FBXL20: variants seen among roughly 807,000 people sequenced by gnomAD.
FBXL20 encodes F-box/LRR-repeat protein 20.
In FBXL20, 11 loss-of-function variants were observed where a neutral mutation model predicts 64.0. The ratio of observed to expected loss-of-function variants is 0.17; its 90% confidence interval spans 0.11 to 0.28. FBXL20 has a LOEUF of 0.28. Ranked by LOEUF, FBXL20 falls within the 10% of genes least tolerant of loss-of-function variation. The probability of loss-of-function intolerance (pLI) is 1.00; values close to 1 mark genes in which losing one functional copy is unlikely to be tolerated. For synonymous variants in FBXL20, 184 were observed against 189.0 expected, an observed-to-expected ratio of 0.97 and a Z score of 0.22; for missense variants, 303 against 526.2, an observed-to-expected ratio of 0.58 and a Z score of 4.15.
chr17:39,296,248 A>C (rs966808289), intron 6 of FBXL20, among the ~76,000 whole-genome samples: 5 of 152,250 alleles, frequency 3.3e-5, no homozygotes, highest in African/African-American at 1.2e-4. Flanking sequence ...AAACGTTTCC[A>C]AATCAATCTA....
At chr17:39,374,786 TTTC>T (rs1431283168) in intron 1 of FBXL20, among the ~76,000 whole-genome samples, 1 of 152,140 alleles carries the variant, frequency 6.6e-6, no homozygotes, top group Non-Finnish European at 1.5e-5. Context: ...CTACTTTTCT[TTTC>T]TTTTCTTTTT....
chr17:39,264,198 G>C lies in FBXL20; in HGVS notation c.1180C>G (p.Arg394Gly). Residue 394 changes from arginine (R) to glycine (G), a missense_variant, in exon 14 of 15, where the codon CGG becomes GGG. This residue lies in a region of FBXL20 where 56 missense variants were observed against 86.0 expected (regional missense o/e 0.65). Transcript: ENST00000264658. ...IELYDCQQITRAGIKRLRTHL... is the reference protein window; with the variant it reads ...IELYDCQQITGAGIKRLRTHL... ...ACCCTGAGTCTCTTGATTCCAGCCC[G>C]TGTGATTTGCTGGCAGTCATAGAGT... 6.2e-7 allele frequency: 1 copy of C among 1,614,184 alleles called. No individual in the cohort carries two copies. The highest frequency in any genetic ancestry group is 8.5e-7 in the Non-Finnish European group (1 of 1,180,030).
chr17:39,274,041 A>C (rs1189433365), intron 10 of FBXL20, among the ~76,000 whole-genome samples: 1 of 151,644 alleles, frequency 6.6e-6, no homozygotes, highest in Non-Finnish European at 1.5e-5. Flanking sequence ...TGCCTGGCTA[A>C]TTTTTTTATT....
chr17:39,338,687 T>C (rs2047553240), intron 2 of FBXL20, among the ~76,000 whole-genome samples: 1 of 152,156 alleles, frequency 6.6e-6, no homozygotes, highest in Admixed American at 6.6e-5. Context: ...CCAAAATTAA[T>C]ATCACCAGTA....
chr17:39,401,199 C>A (rs1004995109), intron 1 of FBXL20, among the ~76,000 whole-genome samples, 162 bp downstream of exon 1: 1 of 152,208 alleles, frequency 6.6e-6, no homozygotes, highest in Admixed American at 6.5e-5. Context: ...CCGGGCTGCG[C>A]TGGGCTTCTG....
intron 1 of FBXL20, among the ~76,000 whole-genome samples, chr17:39,363,440 A>G (rs923371317): frequency 6.6e-6 from 1 of 152,060 alleles, no homozygotes; most frequent in Non-Finnish European, 1.5e-5. Context: ...TACAGGTGTG[A>G]GCCACCACAC....
At chr17:39,380,461 A>C (rs911394310) in intron 1 of FBXL20, among the ~76,000 whole-genome samples, 2 of 152,210 alleles carry the variant, frequency 1.3e-5, no homozygotes, top group Non-Finnish European at 2.9e-5. Flanking sequence ...TTGTTTTTGC[A>C]CTTACTATCC....
chr17:39,273,961 C>T (rs1445730775), intron 10 of FBXL20, among the ~76,000 whole-genome samples: 1 of 152,070 alleles, frequency 6.6e-6, no homozygotes, highest in Admixed American at 6.6e-5. Flanking sequence ...GCTGTCTTGA[C>T]CTCCTGGGCT....
chr17:39,335,411 T>C (rs900762282), intron 2 of FBXL20, among the ~76,000 whole-genome samples: 3 of 151,432 alleles, frequency 2.0e-5, no homozygotes, highest in African/African-American at 7.3e-5. Context: ...CCCGCTGCAG[T>C]GTCTCTACTA....
upstream of FBXL20, chr17:39,402,384 G>C: frequency 2.3e-6 from 1 of 430,782 alleles, no homozygotes; most frequent in Non-Finnish European, 3.9e-6. Flanking sequence ...TTGTCTCCCT[G>C]TGCATGGCTC....
intron 2 of FBXL20, among the ~76,000 whole-genome samples, chr17:39,315,043 C>T (rs758805352): frequency 1.3e-5 from 2 of 151,784 alleles, no homozygotes; most frequent in Non-Finnish European, 2.9e-5. Flanking sequence ...GTGATCTGCC[C>T]ACCTCAACCT....
intron 2 of FBXL20, among the ~76,000 whole-genome samples, chr17:39,307,799 T>C (rs1299842644): frequency 6.6e-6 from 1 of 151,596 alleles, no homozygotes; most frequent in Non-Finnish European, 1.5e-5. Context: ...GGTGAAACTC[T>C]GTCTCTACTA....
chr17:39,265,358 A>G, intron 13 of FBXL20, 39 bp downstream of exon 13: 1 of 1,519,398 alleles, frequency 6.6e-7, no homozygotes, highest in Non-Finnish European at 9.1e-7. Flanking sequence ...CTTTTGATTA[A>G]ACCCAGTAAA....
intron 2 of FBXL20, among the ~76,000 whole-genome samples, chr17:39,312,805 T>C (rs2047247650): frequency 6.6e-6 from 1 of 151,044 alleles, no homozygotes; most frequent in African/African-American, 2.4e-5. Flanking sequence ...CTCCATCTCC[T>C]GACCTCGTGA....
intron 2 of FBXL20, among the ~76,000 whole-genome samples, chr17:39,331,357 T>C (rs951133607): frequency 6.6e-6 from 1 of 152,324 alleles, no homozygotes; most frequent in South Asian, 2.1e-4. Context: ...CGCCTCGGCC[T>C]CCCAGAGTGC....
intron 1 of FBXL20, among the ~76,000 whole-genome samples, chr17:39,397,855 CAA>C (rs35527543): frequency 1.1e-4 from 16 of 140,162 alleles, no homozygotes; most frequent in African/African-American, 3.1e-4. Context: ...ACAGTGGAGT[CAA>C]AAAAAAAAAA....
At chr17:39,320,611 T>TGA (rs1043877267) in intron 2 of FBXL20, among the ~76,000 whole-genome samples, 1 of 151,270 alleles carries the variant, frequency 6.6e-6, no homozygotes, top group African/African-American at 2.4e-5. Context: ...TTTTTTTTTT[T>TGA]GAGATAGAGT....
chr17:39,380,188 G>A (rs552230614), intron 1 of FBXL20, among the ~76,000 whole-genome samples: 76 of 152,198 alleles, frequency 5.0e-4, no homozygotes, highest in African/African-American at 1.8e-3. Flanking sequence ...GTTATATCAC[G>A]TTCCTCTTCT....
At chr17:39,370,317 C>A (rs897672158) in intron 1 of FBXL20, among the ~76,000 whole-genome samples, 1 of 150,204 alleles carries the variant, frequency 6.7e-6, no homozygotes. Context: ...ATGGCAAAAC[C>A]CAGTCTCTAC....
Sources: gnomAD v4.1 joint callset for allele counts (sites outside exome capture counted in the v4.1 genomes callset) on GRCh38, gnomAD v4.1.1 for gene constraint, gnomAD v4.1.1 regional missense constraint, MANE v1.5 for transcripts, NCBI Gene and HGNC (gene_info 2026-07-23, HGNC 2026-07-21) for gene names.